Variants in CFAP46 observed in about 807,000 individuals in gnomAD.
CFAP46 encodes the protein cilia and flagella associated protein 46, also known as cilia- and flagella-associated protein 46.
Under a neutral mutation model 325.7 loss-of-function variants are expected in CFAP46, and 245 were observed. The ratio of observed to expected loss-of-function variants is 0.75; its 90% CI spans 0.68 to 0.84. The LOEUF (loss-of-function observed/expected upper bound fraction) is 0.84, where lower values mean the gene tolerates loss of function less well. CFAP46 is among the 40% of genes least tolerant of loss of function. CFAP46 has a pLI of 0.00. For missense variants in CFAP46, 3,346 were observed against 3,543.0 expected (o/e 0.94, Z 1.41); for synonymous variants, 1,523 against 1,495.9 (o/e 1.02, Z -0.42).
In CFAP46 at chr10:132,922,502, T is replaced by A; in HGVS notation, c.1463A>T (p.Lys488Met). Residue 488 changes from lysine (K) to methionine (M), a missense_variant, in exon 12 of 58, where the codon AAG becomes ATG. Coordinates refer to ENST00000368586, the MANE Select transcript of CFAP46 (RefSeq NM_001200049.3). ...CACCTGCTCAACGGCCATGATGGCCTTGTCCTCTGCGCGCTCAGGGGCCTG... is the reference window on the plus strand; with the variant it reads ...CACCTGCTCAACGGCCATGATGGCCATGTCCTCTGCGCGCTCAGGGGCCTG... ...LYQAPERAED[K>M]AIMAVEQAKK... 1 of 1,543,382 alleles carries A rather than the reference T, an allele frequency of 6.5e-7. No homozygotes were observed. The highest frequency in any genetic ancestry group is 8.7e-7 in the Non-Finnish European group (1 of 1,144,308).
intron 35 of CFAP46, among the ~76,000 whole-genome samples, chr10:132,862,330 G>A (rs1012715473): frequency 2.6e-5 from 4 of 152,094 alleles, no homozygotes; most frequent in African/African-American, 7.2e-5. Context: ...GCCGGAGGCC[G>A]GCGACAGGGC....
At position 132,808,675 on chromosome 10, in the gene CFAP46, G is replaced by A; in HGVS notation, c.7894C>T (p.Leu2632Phe). The change falls in exon 58 of 58, where the codon CTC becomes TTC. Residue 2632 changes from leucine to phenylalanine, a missense_variant. Leu to Phe is a conservative substitution (Grantham distance 22). Transcript: ENST00000368586. The surrounding 1 kb of genome is among the most constrained non-coding windows in gnomAD (Gnocchi z 6.8). ...GAGAGGCCCAGGAAGGGGAGAGCGA[G>A]CTGGGAGCTGGGGATGGGAGCCGGG... is the stretch of plus-strand genomic sequence containing the variant. Reference protein sequence around the residue: ...HLPAPIPSSQLALPFLGLSPA... With the variant: ...HLPAPIPSSQFALPFLGLSPA... 1 of 1,578,412 alleles carries A rather than the reference G, an allele frequency of 6.3e-7. No individual in the cohort carries two copies. Among genetic ancestry groups the A allele is most frequent in the Non-Finnish European group, 8.6e-7 (1 of 1,161,874 alleles).
rs370937887 is a variant in CFAP46, at chr10:132,817,350, C to T, written c.7118-2436G>A. ...TTTATCACGTGGGGGTCATTTGTGA[C>T]GGGCGTGCTTCCTGCAAAGGGCATG... On this transcript the variant is annotated intron_variant, in intron 50 of 57. Transcript: ENST00000368586. This position sits in a 1 kb window ranked among gnomAD's most constrained non-coding sequence, Gnocchi z 4.4. Among the ~76,000 whole-genome samples the T allele has an allele frequency of 4.6e-5, 7 of 152,178 alleles. No individual in the cohort carries two copies. In the East Asian group the frequency reaches 1.2e-3, roughly 25 times the overall value.
chr10:132,933,035 C>T (rs1028785323), intron 8 of CFAP46, among the ~76,000 whole-genome samples: 2 of 152,236 alleles, frequency 1.3e-5, no homozygotes, highest in Admixed American at 6.5e-5. Context: ...TCTGCTGTTT[C>T]CCGGGGAGTA....
At position 132,922,144 on chromosome 10, in the gene CFAP46, G is replaced by T. The variant is rs1455077230; in HGVS notation, c.1566C>A (p.Asp522Glu). Reference protein sequence around the residue: ...LVNAGLALAPDAFQIVLDSEN... With the variant: ...LVNAGLALAPEAFQIVLDSEN... ...CACTGTCCAGCACAATCTGAAACGC[G>T]TCAGGGGCTAAGGCCAGGCCTGCAT... The change falls in exon 13 of 58, where the codon GAC becomes GAA. Residue 522 changes from aspartate to glutamate, a missense_variant. By Grantham distance (45) the Asp-to-Glu change is conservative. Transcript: ENST00000368586. The T allele has an allele frequency of 1.5e-5, 23 of 1,550,280 alleles. No homozygotes were observed. In the East Asian group the frequency reaches 4.4e-4, roughly 30 times the overall value.
At position 132,847,757 on chromosome 10, in the gene CFAP46, T is replaced by C. The variant is rs996230828; in HGVS notation, c.5953-436A>G. Reference sequence around the variant, plus strand: ...CTGAGACACAAGCCCCACCTGGGTATAGGAAGCCCTGGCAGCCCCTGAAGA... The same window carrying C: ...CTGAGACACAAGCCCCACCTGGGTACAGGAAGCCCTGGCAGCCCCTGAAGA... On this transcript the variant is annotated intron_variant, in intron 41 of 57. Transcript: ENST00000368586. This position sits in a 1 kb window ranked among gnomAD's most constrained non-coding sequence, Gnocchi z 5.2. 6.6e-6 allele frequency among the ~76,000 whole-genome samples: 1 copy of C among 152,054 alleles called. No individual in the cohort carries two copies. Among genetic ancestry groups the C allele is most frequent in the Non-Finnish European group, 1.5e-5 (1 of 67,984 alleles).
At chr10:132,850,162 G>A (rs1409212271) in intron 41 of CFAP46, 82 bp downstream of exon 41, 52 of 1,372,838 alleles carry the variant, frequency 3.8e-5, no homozygotes, top group Non-Finnish European at 4.8e-5. Context: ...AATCACAGGA[G>A]TCCTAAACAC....
chr10:132,867,755 T>G (rs1016772190), intron 33 of CFAP46, among the ~76,000 whole-genome samples: 6 of 152,230 alleles, frequency 3.9e-5, no homozygotes, highest in Admixed American at 2.0e-4. Flanking sequence ...GGGTGTTTAA[T>G]GAGCATCTCC....
chr10:132,820,164 G>A (rs1041520829), intron 50 of CFAP46, among the ~76,000 whole-genome samples: 1 of 152,246 alleles, frequency 6.6e-6, no homozygotes, highest in Admixed American at 6.5e-5. Flanking sequence ...GACGGAGCAG[G>A]TCTCAGCCTT....
Position 132,904,814 on chromosome 10 carries a change from C to T in CFAP46, c.2924+3654G>A, listed in dbSNP as rs1026366970. On this transcript the variant is annotated intron_variant, in intron 22 of 57. Coordinates refer to ENST00000368586, the MANE Select transcript of CFAP46 (RefSeq NM_001200049.3). ...TCTCGCTGTGTCACCCAGGCTGGAG[C>T]GCAGTGGTACAATCACGGCTTGCTG... is the stretch of plus-strand genomic sequence containing the variant. Among the ~76,000 whole-genome samples the T allele has an allele frequency of 1.1e-4, 16 of 152,274 alleles. 1 individual carries two copies. In the South Asian group the frequency reaches 1.4e-3, roughly 14 times the overall value.
At chr10:132,812,190 T>C (rs1341391314) in intron 55 of CFAP46, among the ~76,000 whole-genome samples, 1 of 152,190 alleles carries the variant, frequency 6.6e-6, no homozygotes, top group Non-Finnish European at 1.5e-5. Flanking sequence ...GGCCGTGGCG[T>C]GTGACAGGGT....
At chr10:132,938,822 G>A in intron 4 of CFAP46, 69 bp from the exon 5 acceptor site, 1 of 1,485,542 alleles carries the variant, frequency 6.7e-7, no homozygotes, top group Middle Eastern at 2.4e-4. Context: ...AGAACCAAGG[G>A]GCCGCTGTGT....
At chr10:132,928,330 G>A (rs1030661005) in intron 9 of CFAP46, among the ~76,000 whole-genome samples, 20 of 152,142 alleles carry the variant, frequency 1.3e-4, no homozygotes, top group African/African-American at 4.6e-4. Flanking sequence ...CCCAGAAGAT[G>A]GAAATGGGGC....
Position 132,877,036 on chromosome 10 carries a change from G to A in CFAP46, c.4213-75C>T. On this transcript the variant is annotated intron_variant, in intron 30 of 57. Transcript: ENST00000368586. This position sits in a 1 kb window ranked among gnomAD's most constrained non-coding sequence, Gnocchi z 5.7. The stretch of plus-strand genomic sequence containing the variant: ...GCAGACACCCCCGGCCCACCGGCAT[G>A]GCTGTGCAGCATTCAGGCCACAGCC... 2.1e-6 allele frequency: 3 copies of A among 1,460,418 alleles called. No homozygotes were observed. The highest frequency in any genetic ancestry group is 1.8e-6 in the Non-Finnish European group (2 of 1,083,322). The allele number at this position is 1,460,418 out of a possible 1,614,324, so 90.5% of individuals were successfully genotyped here. A position where few individuals can be genotyped will look rare whatever the true frequency, so the allele number is the denominator to read the frequency against.
chr10:132,900,877 T>G (rs1279272390), intron 22 of CFAP46, among the ~76,000 whole-genome samples: 5 of 152,246 alleles, frequency 3.3e-5, no homozygotes, highest in Non-Finnish European at 7.3e-5. Context: ...AATCTACAGC[T>G]AGAATCGTAG....
rs1015442544 is a variant in CFAP46, at chr10:132,859,100, G to C, written c.5346C>G (p.Asp1782Glu). The C allele has an allele frequency of 1.3e-6, 2 of 1,550,922 alleles. No individual in the cohort carries two copies. Among genetic ancestry groups the C allele is most frequent in the Non-Finnish European group, 1.7e-6 (2 of 1,147,056 alleles). The change falls in exon 38 of 58, where the codon GAC (aspartate) becomes GAG (glutamate). Residue 1782 changes from aspartate (D) to glutamate (E), a missense_variant. Asp to Glu is a conservative substitution (Grantham distance 45). Coordinates refer to ENST00000368586, the MANE Select transcript of CFAP46 (RefSeq NM_001200049.3). ...TGATCTTCGCACGCTCTAGTTTTAC[G>C]TCAACACAATTCTCTTTGCAGCCAC... ...IDCGCKENCV[D>E]VKLERAKIKR...
chr10:132,823,548 G>A (rs1315484989), intron 50 of CFAP46, among the ~76,000 whole-genome samples: 5 of 102,156 alleles, frequency 4.9e-5, no homozygotes, highest in Non-Finnish European at 1.0e-4. Context: ...TGTGTGCTGT[G>A]TGCTGATGTG....
At chr10:132,936,511 CCCCCAAAT>C (rs1850009212) in intron 7 of CFAP46, among the ~76,000 whole-genome samples, 1 of 145,844 alleles carries the variant, frequency 6.9e-6, no homozygotes. Flanking sequence ...CTCCCCTCGG[CCCCCAAAT>C]ACACTGTGAT....
chr10:132,927,595 A>G (rs11146048), intron 9 of CFAP46, among the ~76,000 whole-genome samples: 84,220 of 152,108 alleles, frequency 0.55, 24,269 homozygotes, highest in African/African-American at 0.71. Flanking sequence ...CCATGCCACT[A>G]AGGAAGCCAT....
Sources: allele counts gnomAD v4.1 joint callset (sites outside exome capture counted in the v4.1 genomes callset), GRCh38; gene constraint gnomAD v4.1.1; non-coding constraint Gnocchi (gnomAD v3.1); transcripts MANE v1.5; gene names NCBI Gene and HGNC (gene_info 2026-07-23, HGNC 2026-07-21).